Variants in INTS4 observed in about 807,000 individuals in gnomAD.
INTS4 encodes the protein integrator complex subunit 4.
Under a neutral mutation model 119.5 loss-of-function variants are expected in INTS4, and 70 were observed. That is an observed-to-expected ratio of 0.59 (90% confidence interval 0.48 to 0.71). The LOEUF (loss-of-function observed/expected upper bound fraction) is 0.71. INTS4 is among the 30% of genes least tolerant of loss of function. INTS4 has a pLI of 0.00. For missense variants in INTS4, 867 were observed against 1,173.2 expected, an observed-to-expected ratio of 0.74 and a Z score of 3.81; for synonymous variants, 316 against 419.6, an observed-to-expected ratio of 0.75 and a Z score of 3.02.
chr11:77,914,530 C>T (rs556191773), intron 15 of INTS4, among the ~76,000 whole-genome samples: 1 of 152,292 alleles, frequency 6.6e-6, no homozygotes, highest in African/African-American at 2.4e-5. Flanking sequence ...ATAGAAAGGA[C>T]TGGAATCTCC....
At chr11:77,889,578 G>C (rs1321981213) in intron 21 of INTS4, among the ~76,000 whole-genome samples, 2 of 152,090 alleles carry the variant, frequency 1.3e-5, no homozygotes, top group Non-Finnish European at 2.9e-5. Context: ...GTTAATGAAT[G>C]GAGTTCTGCA....
intron 12 of INTS4, among the ~76,000 whole-genome samples, chr11:77,923,697 T>C (rs972926546): frequency 6.6e-6 from 1 of 151,910 alleles, no homozygotes; most frequent in Non-Finnish European, 1.5e-5. Context: ...TATAACTACA[T>C]GAGGGCCCTT....
At chr11:77,991,360 G>T in intron 1 of INTS4, 61 bp from the exon 2 acceptor site, 1 of 1,329,240 alleles carries the variant, frequency 7.5e-7, no homozygotes, top group Non-Finnish European at 1.1e-6. Flanking sequence ...GCCTCATTTG[G>T]TGGAAATGAT....
chr11:77,899,432 G>A (rs1168359902), intron 18 of INTS4, among the ~76,000 whole-genome samples: 1 of 152,162 alleles, frequency 6.6e-6, no homozygotes, highest in Admixed American at 6.5e-5. Flanking sequence ...AGCACTCTGG[G>A]AGGCCGAGTC....
At chr11:77,975,455 C>G (rs1263116091) in intron 4 of INTS4, among the ~76,000 whole-genome samples, 1 of 149,778 alleles carries the variant, frequency 6.7e-6, no homozygotes, top group Non-Finnish European at 1.5e-5. Flanking sequence ...TCTTTTCCAT[C>G]AAGAGTAAAT....
At chr11:77,976,244 TG>T (rs1257800916) in intron 4 of INTS4, among the ~76,000 whole-genome samples, 1 of 152,316 alleles carries the variant, frequency 6.6e-6, no homozygotes, top group Admixed American at 6.5e-5. Flanking sequence ...ATACTGCTTG[TG>T]GGCATATAAA....
At chr11:77,948,436 C>T (rs1954100231) in intron 8 of INTS4, among the ~76,000 whole-genome samples, 1 of 151,946 alleles carries the variant, frequency 6.6e-6, no homozygotes, top group African/African-American at 2.4e-5. Flanking sequence ...CACTTGAGGC[C>T]AGGAGTTTGA....
intron 4 of INTS4, among the ~76,000 whole-genome samples, chr11:77,961,350 C>T (rs571216837): frequency 1.1e-4 from 16 of 151,980 alleles, no homozygotes; most frequent in South Asian, 6.2e-4. Flanking sequence ...AAATAAAAGT[C>T]CTAGTTTTTC....
At chr11:77,945,482 T>C (rs1954026524) in intron 8 of INTS4, among the ~76,000 whole-genome samples, 1 of 152,184 alleles carries the variant, frequency 6.6e-6, no homozygotes, top group Non-Finnish European at 1.5e-5. Flanking sequence ...GATCACATGA[T>C]GGCCTGCAGC....
chr11:77,973,432 C>T (rs1467968299), intron 4 of INTS4, among the ~76,000 whole-genome samples: 1 of 152,092 alleles, frequency 6.6e-6, no homozygotes, highest in African/African-American at 2.4e-5. Flanking sequence ...CTGGCAAGAA[C>T]CTCTAGTACA....
chr11:77,919,055 C>T (rs1953274918), intron 14 of INTS4, 77 bp from the exon 15 acceptor site: 1 of 1,495,720 alleles, frequency 6.7e-7, no homozygotes, highest in South Asian at 1.2e-5. Context: ...CACATAAAAG[C>T]ACATTAAAAA....
chr11:77,928,840 C>A (rs1953575433), intron 10 of INTS4, among the ~76,000 whole-genome samples: 1 of 151,754 alleles, frequency 6.6e-6, no homozygotes, highest in African/African-American at 2.4e-5. Flanking sequence ...AGAATGAGAC[C>A]CTATCTCAAA....
At chr11:77,921,816 A>G (rs1953368038) in intron 13 of INTS4, among the ~76,000 whole-genome samples, 1 of 152,216 alleles carries the variant, frequency 6.6e-6, no homozygotes, top group South Asian at 2.1e-4. Flanking sequence ...GGATCACTTG[A>G]GGTCAGGAGT....
intron 16 of INTS4, 90 bp from the exon 17 acceptor site, chr11:77,903,710 G>A (rs1332307283): frequency 4.3e-6 from 4 of 940,952 alleles, no homozygotes; most frequent in Non-Finnish European, 6.6e-6. Flanking sequence ...TCCTTTGAAA[G>A]TCTCCCATGA....
At chr11:77,884,851 C>A (rs749886387) in intron 21 of INTS4, 3 of 365,540 alleles carry the variant, frequency 8.2e-6, no homozygotes, top group South Asian at 2.1e-5. Flanking sequence ...AACTCCTGGG[C>A]GCAAGTGATC....
chr11:77,985,449 C>T (rs1376681779), intron 2 of INTS4, among the ~76,000 whole-genome samples: 3 of 152,166 alleles, frequency 2.0e-5, no homozygotes, highest in Admixed American at 2.0e-4. Flanking sequence ...CCCTGTCTTC[C>T]AACTGGCCAA....
intron 6 of INTS4, 23 bp from the exon 7 acceptor site, chr11:77,958,857 T>G (rs1339196547): frequency 8.5e-6 from 12 of 1,414,274 alleles, no homozygotes; most frequent in Admixed American, 1.7e-5. Context: ...ATTCCAAAAG[T>G]CTATTAGTTC....
chr11:77,912,827 T>C (rs10899415), intron 15 of INTS4, among the ~76,000 whole-genome samples: 58,892 of 152,008 alleles, frequency 0.39, 11,600 homozygotes, highest in African/African-American at 0.43. Flanking sequence ...ACACAATAGG[T>C]GCTCTACCTA....
At chr11:77,875,198 G>C (rs1475901406), downstream of INTS4, among the ~76,000 whole-genome samples, 1 of 152,166 alleles carries the variant, frequency 6.6e-6, no homozygotes, top group African/African-American at 2.4e-5. Context: ...TGCTACCTTT[G>C]CTCTGGAGAC....
Sources: allele counts gnomAD v4.1 joint callset (sites outside exome capture counted in the v4.1 genomes callset), GRCh38; gene constraint gnomAD v4.1.1; transcripts MANE v1.5; gene names NCBI Gene and HGNC (gene_info 2026-07-23, HGNC 2026-07-21).